KALRN: variants seen among roughly 807,000 people sequenced by gnomAD.
The protein encoded by KALRN is kalirin.
Under a neutral mutation model 353.7 loss-of-function variants are expected in KALRN, and 70 were observed. The observed-to-expected ratio is 0.20, with a 90% confidence interval of 0.16 to 0.24. The LOEUF is 0.24. Ranked by LOEUF, KALRN falls within the 10% of genes least tolerant of loss-of-function variation. The pLI is 1.00. For synonymous variants in KALRN, 1,391 were observed against 1,434.8 expected (o/e 0.97, Z 0.69); for missense variants, 2,791 against 3,756.7 (o/e 0.74, Z 6.72).
At chr3:124,058,814 T>C (rs185834571) in intron 1 of KALRN, among the ~76,000 whole-genome samples, 13 of 152,192 alleles carry the variant, frequency 8.5e-5, no homozygotes, top group Non-Finnish European at 1.9e-4. Flanking sequence ...AGGCTGAAGA[T>C]GAAAGAGTCT....
At position 124,632,528 on chromosome 3, in the gene KALRN, G is replaced by A. The variant is rs1232010971; in HGVS notation, c.5291G>A (p.Arg1764His). 29 of 1,614,038 alleles carry A rather than the reference G, an allele frequency of 1.8e-5. No individual in the cohort carries two copies. Among genetic ancestry groups the A allele is most frequent in the Non-Finnish European group, 2.4e-5 (28 of 1,180,030 alleles). The change falls in exon 35 of 60, where the codon CGC (arginine) becomes CAC (histidine). Residue 1764 changes from arginine (R) to histidine (H), a missense_variant. This residue lies in a region of KALRN where 1,065 missense variants were observed against 1,156.4 expected (regional missense o/e 0.92). Coordinates refer to ENST00000682506, the MANE Select transcript of KALRN (RefSeq NM_001388419.1). The stretch of plus-strand genomic sequence containing the variant: ...ATCCACAGTTCCCCGGGTCCCAAGC[G>A]CTCCACCAACACTCTTAAGAAGTGG... Reference protein sequence around the residue: ...NSIHSSPGPKRSTNTLKKWLT... With the variant: ...NSIHSSPGPKHSTNTLKKWLT...
chr3:124,288,451 A>T (rs2076142452), intron 5 of KALRN, among the ~76,000 whole-genome samples: 1 of 152,180 alleles, frequency 6.6e-6, no homozygotes, highest in Non-Finnish European at 1.5e-5. Context: ...CATGGCAGTG[A>T]ATAAAACAAT....
At chr3:124,156,429 A>G (rs991328193) in intron 1 of KALRN, among the ~76,000 whole-genome samples, 1 of 152,172 alleles carries the variant, frequency 6.6e-6, no homozygotes, top group Non-Finnish European at 1.5e-5. Context: ...GGGCCTGACA[A>G]ACTTTATTAA....
At chr3:124,401,804 A>G (rs521938) in intron 13 of KALRN, among the ~76,000 whole-genome samples, 148,194 of 152,276 alleles carry the variant, frequency 0.97, 72,231 homozygotes, top group East Asian at 1. Context: ...CCAAACCTAT[A>G]GAAAAGTTCT....
intron 10 of KALRN, among the ~76,000 whole-genome samples, chr3:124,380,049 C>A (rs2087125203): frequency 6.6e-6 from 1 of 152,148 alleles, no homozygotes; most frequent in Non-Finnish European, 1.5e-5. Flanking sequence ...ATCTACATTG[C>A]CTCTTTTGAA....
intron 1 of KALRN, among the ~76,000 whole-genome samples, chr3:124,087,054 AT>A (rs1043375330): frequency 6.6e-6 from 1 of 151,956 alleles, no homozygotes; most frequent in Non-Finnish European, 1.5e-5. Context: ...TGGGCATCAG[AT>A]TTTTTTTGCT....
chr3:124,381,788 G>A (rs2087423222), intron 10 of KALRN, among the ~76,000 whole-genome samples: 1 of 152,278 alleles, frequency 6.6e-6, no homozygotes, highest in East Asian at 1.9e-4. Flanking sequence ...GGGGAACCAA[G>A]GATGAGTAAG....
rs2063310044 is a variant in KALRN, at chr3:124,719,558, T to G, written c.*88T>G. 4 of 1,249,962 alleles carry G rather than the reference T, an allele frequency of 3.2e-6. No homozygotes were observed. The highest frequency in any genetic ancestry group is 2.2e-6 in the Non-Finnish European group (2 of 896,708). The allele number at this position is 1,249,962 out of a possible 1,614,324, so 77.4% of individuals were successfully genotyped here. A position where few individuals can be genotyped will look rare whatever the true frequency, so the allele number is the denominator to read the frequency against. On this transcript the variant is annotated 3_prime_UTR_variant, in exon 60 of 60. Transcript: ENST00000682506. The surrounding 1 kb of genome is among the most constrained non-coding windows in gnomAD (Gnocchi z 5.3). Reference sequence around the variant, plus strand: ...TGACTGTAAATAATTCTGTTCATCATTTCACTCCGTGCAGTTCTCTGAATT... The same window carrying G: ...TGACTGTAAATAATTCTGTTCATCAGTTCACTCCGTGCAGTTCTCTGAATT...
intron 1 of KALRN, among the ~76,000 whole-genome samples, chr3:124,191,802 A>G (rs1294168342): frequency 6.6e-6 from 1 of 152,138 alleles, no homozygotes; most frequent in Non-Finnish European, 1.5e-5. Flanking sequence ...AGAGGCTGTA[A>G]GGCTTTAGGA....
intron 25 of KALRN, among the ~76,000 whole-genome samples, chr3:124,463,721 AATT>A (rs1240133515): frequency 6.6e-6 from 1 of 152,162 alleles, no homozygotes; most frequent in Non-Finnish European, 1.5e-5. Flanking sequence ...GGCAAGCAAG[AATT>A]GGGTGTAAAA....
At chr3:124,343,318 T>C (rs148390333) in intron 9 of KALRN, among the ~76,000 whole-genome samples, 2,898 of 152,204 alleles carry the variant, frequency 0.019, 61 homozygotes, top group Non-Finnish European at 0.026. Context: ...CCACCACGCC[T>C]GGCAATTTTT....
At chr3:124,232,056 G>A (rs772677609) in intron 2 of KALRN, among the ~76,000 whole-genome samples, 17 of 152,090 alleles carry the variant, frequency 1.1e-4, no homozygotes, top group Admixed American at 2.0e-4. Context: ...TGTCATTTGG[G>A]AGAGGATGGA....
intron 1 of KALRN, among the ~76,000 whole-genome samples, chr3:124,123,292 G>A (rs915008616): frequency 2.0e-5 from 3 of 151,812 alleles, no homozygotes; most frequent in Non-Finnish European, 4.4e-5. Context: ...GAAATTAAAG[G>A]TGCTATTTCA....
intron 5 of KALRN, among the ~76,000 whole-genome samples, chr3:124,274,303 A>G (rs1164082010): frequency 1.3e-5 from 2 of 152,246 alleles, no homozygotes; most frequent in East Asian, 1.9e-4. Flanking sequence ...AATGATAAGT[A>G]TCAGAAAATA....
chr3:124,328,731 G>A (rs1025705629), intron 7 of KALRN, among the ~76,000 whole-genome samples: 7 of 152,168 alleles, frequency 4.6e-5, no homozygotes, highest in East Asian at 1.9e-4. Context: ...GAACGCAAAC[G>A]GTTGCTGTAC....
chr3:124,584,860 T>C, intron 34 of KALRN: 1 of 1,607,714 alleles, frequency 6.2e-7, no homozygotes, highest in Non-Finnish European at 8.5e-7. Flanking sequence ...GAGGTCCCTC[T>C]TTGGGGTGGC....
intron 14 of KALRN, among the ~76,000 whole-genome samples, chr3:124,415,116 G>A (rs966315524): frequency 1.3e-5 from 2 of 152,214 alleles, no homozygotes; most frequent in African/African-American, 2.4e-5. Context: ...TCACAGGTGT[G>A]CAGCTGAAAC....
intron 5 of KALRN, among the ~76,000 whole-genome samples, chr3:124,285,283 A>G (rs965008478): frequency 1.3e-5 from 2 of 152,136 alleles, no homozygotes; most frequent in South Asian, 2.1e-4. Context: ...CTTAGAGTCT[A>G]TCATGTCCCA....
intron 33 of KALRN, among the ~76,000 whole-genome samples, chr3:124,527,481 C>T (rs1053935804): frequency 6.6e-6 from 1 of 151,850 alleles, no homozygotes; most frequent in Non-Finnish European, 1.5e-5. Context: ...TGGTGGCACA[C>T]ACCTGTAGTC....
Sources: gnomAD v4.1 joint callset for allele counts (sites outside exome capture counted in the v4.1 genomes callset) on GRCh38, gnomAD v4.1.1 for gene constraint, gnomAD v4.1.1 regional missense constraint, Gnocchi (gnomAD v3.1) non-coding constraint, MANE v1.5 for transcripts, NCBI Gene and HGNC (gene_info 2026-07-23, HGNC 2026-07-21) for gene names.